Variants in CDK6 observed in about 807,000 individuals in gnomAD.
The protein encoded by CDK6 is cyclin dependent kinase 6.
Under a neutral mutation model 37.1 loss-of-function variants are expected in CDK6, and 6 were observed. That is an observed-to-expected ratio of 0.16 (90% CI 0.09 to 0.32). The LOEUF is 0.32. CDK6 is among the 10% of genes least tolerant of loss of function. The pLI, the probability that CDK6 is intolerant of heterozygous loss-of-function variation, is 1.00. For synonymous variants in CDK6, 160 were observed against 161.3 expected (o/e 0.99, Z 0.06); for missense variants, 224 against 418.9 (o/e 0.53, Z 4.06).
Position 92,774,545 on chromosome 7 carries a change from C to A in CDK6, c.369+151G>T, listed in dbSNP as rs3731303. 98 of 606,606 alleles carry A rather than the reference C, an allele frequency of 1.6e-4. 1 individual carries two copies. The South Asian group carries it at 2.8e-3, about 17-fold the overall frequency. The allele number at this position is 606,606 out of a possible 1,614,324, so 37.6% of individuals were successfully genotyped here. A position where few individuals can be genotyped will look rare whatever the true frequency, so the allele number is the denominator to read the frequency against. On this transcript the variant is annotated intron_variant, in intron 3 of 7. Transcript: ENST00000424848. ...ACTTAGTTGATGAACTGGAATATAT[C>A]CCAATCTTTGAACATTTTCTTTGAT...
intron 4 of CDK6, among the ~76,000 whole-genome samples, chr7:92,713,072 G>A (rs987537233): frequency 5.9e-5 from 9 of 152,032 alleles, no homozygotes; most frequent in African/African-American, 1.7e-4. Flanking sequence ...TATTGGCCAG[G>A]CTGCTCTCGA....
chr7:92,777,498 G>T (rs1217256060), intron 2 of CDK6, among the ~76,000 whole-genome samples: 1 of 152,174 alleles, frequency 6.6e-6, no homozygotes, highest in Admixed American at 6.5e-5. Flanking sequence ...TGCCCACCTC[G>T]GCCTCCTGAA....
At chr7:92,645,532 G>C (rs1192528778) in intron 5 of CDK6, among the ~76,000 whole-genome samples, 1 of 152,260 alleles carries the variant, frequency 6.6e-6, no homozygotes, top group African/African-American at 2.4e-5. Context: ...CCAGAAGTGT[G>C]CTCCTGCAAC....
At chr7:92,783,058 C>A (rs1681000422) in intron 2 of CDK6, among the ~76,000 whole-genome samples, 1 of 152,138 alleles carries the variant, frequency 6.6e-6, no homozygotes, top group Admixed American at 6.5e-5. Context: ...TCAATCCATC[C>A]TTCCCAAGGA....
intron 6 of CDK6, 113 bp from the exon 7 acceptor site, chr7:92,618,320 C>T: frequency 1.0e-6 from 1 of 1,004,660 alleles, no homozygotes; most frequent in East Asian, 2.5e-5. Flanking sequence ...GGCAGAGTCC[C>T]AGGAGACCTT....
At chr7:92,740,586 A>G (rs1798898044) in intron 3 of CDK6, among the ~76,000 whole-genome samples, 1 of 152,216 alleles carries the variant, frequency 6.6e-6, no homozygotes, top group African/African-American at 2.4e-5. Flanking sequence ...GAGAAAAATA[A>G]AGAAGCATCC....
chr7:92,660,282 G>A (rs1040912810), intron 5 of CDK6, among the ~76,000 whole-genome samples: 4 of 152,206 alleles, frequency 2.6e-5, no homozygotes, highest in Non-Finnish European at 1.5e-5. Context: ...GCTACTGTAA[G>A]CACAGTACAG....
chr7:92,664,889 G>T (rs527469829), intron 5 of CDK6, among the ~76,000 whole-genome samples: 6 of 151,438 alleles, frequency 4.0e-5, no homozygotes, highest in African/African-American at 1.2e-4. Flanking sequence ...GGGTTCAAGC[G>T]ATTCTCCTGC....
chr7:92,704,149 C>T (rs183126382), intron 4 of CDK6, among the ~76,000 whole-genome samples: 3 of 152,222 alleles, frequency 2.0e-5, no homozygotes, highest in Admixed American at 6.5e-5. Context: ...CCCGGTGTAT[C>T]GCACTCTATT....
intron 3 of CDK6, among the ~76,000 whole-genome samples, chr7:92,754,202 C>G (rs1052915770): frequency 1.3e-5 from 2 of 152,204 alleles, no homozygotes; most frequent in African/African-American, 4.8e-5. Flanking sequence ...GTGCCAGCAT[C>G]TTCCTCAGTA....
At chr7:92,640,357 T>C (rs1054390894) in intron 5 of CDK6, among the ~76,000 whole-genome samples, 1 of 152,214 alleles carries the variant, frequency 6.6e-6, no homozygotes, top group Non-Finnish European at 1.5e-5. Context: ...ATCATTTACT[T>C]TGACATAGTA....
At chr7:92,788,987 G>A (rs1343974996) in intron 2 of CDK6, among the ~76,000 whole-genome samples, 4 of 151,908 alleles carry the variant, frequency 2.6e-5, no homozygotes, top group South Asian at 2.1e-4. Flanking sequence ...TTAACTGGTC[G>A]TGGTGGCACA....
intron 3 of CDK6, among the ~76,000 whole-genome samples, chr7:92,736,213 G>A (rs1259218777): frequency 6.6e-6 from 1 of 151,826 alleles, no homozygotes; most frequent in Non-Finnish European, 1.5e-5. Flanking sequence ...GTGTATTATG[G>A]TTATATATAT....
Position 92,688,132 on chromosome 7 carries a change from G to A in CDK6, c.538-16597C>T, listed in dbSNP as rs563567391. 9.2e-5 allele frequency among the ~76,000 whole-genome samples: 14 copies of A among 152,118 alleles called. No individual in the cohort carries two copies. The South Asian group carries it at 2.9e-3, about 32-fold the overall frequency. On this transcript the variant is annotated intron_variant, in intron 4 of 7. Transcript: ENST00000424848. The stretch of plus-strand genomic sequence containing the variant: ...TTGGATACAGGCATGCATTTCTCTT[G>A]GGTATATACAGGGAGTAGGCAAACG...
At position 92,606,879 on chromosome 7, in the gene CDK6, T is replaced by C. The variant is rs570721279; in HGVS notation, c.*8261A>G. 2 of 232,930 alleles carry C rather than the reference T, an allele frequency of 8.6e-6. No individual in the cohort carries two copies. Among genetic ancestry groups the C allele is most frequent in the East Asian group, 1.2e-4 (2 of 16,470 alleles). 14.4% of individuals were successfully genotyped at this position (232,930 alleles called of 1,614,324 possible). On this transcript the variant is annotated 3_prime_UTR_variant, in exon 8 of 8. Coordinates refer to ENST00000424848, the MANE Select transcript of CDK6 (RefSeq NM_001145306.2). ...CCAATATTTTTCTTTTCTTAACACA[T>C]ACTGCTCTTCTATACCAAACACTTG...
At chr7:92,667,658 C>T (rs1373734342) in intron 5 of CDK6, among the ~76,000 whole-genome samples, 1 of 151,348 alleles carries the variant, frequency 6.6e-6, no homozygotes, top group African/African-American at 2.4e-5. Context: ...CTCCAGTGAT[C>T]CTCCCAACTC....
At chr7:92,700,957 A>G (rs536959647) in intron 4 of CDK6, among the ~76,000 whole-genome samples, 2 of 152,390 alleles carry the variant, frequency 1.3e-5, no homozygotes. Flanking sequence ...TGAAGGGTTA[A>G]TGACATCCAG....
chr7:92,792,364 T>C (rs1162349633), intron 2 of CDK6, among the ~76,000 whole-genome samples: 1 of 152,182 alleles, frequency 6.6e-6, no homozygotes, highest in Non-Finnish European at 1.5e-5. Flanking sequence ...CATTTTTAGG[T>C]TGCACTAAAT....
chr7:92,771,296 A>T (rs916116708), intron 3 of CDK6, among the ~76,000 whole-genome samples: 10 of 150,814 alleles, frequency 6.6e-5, no homozygotes, highest in African/African-American at 2.2e-4. Context: ...TCTCAAAAAA[A>T]AAAAAATAAA....
Sources: gnomAD v4.1 joint callset for allele counts (sites outside exome capture counted in the v4.1 genomes callset) on GRCh38, gnomAD v4.1.1 for gene constraint, MANE v1.5 for transcripts, NCBI Gene and HGNC (gene_info 2026-07-23, HGNC 2026-07-21) for gene names.